HIBCH: variants seen among roughly 807,000 people sequenced by gnomAD.
The protein encoded by HIBCH is 3-hydroxyisobutyryl-CoA hydrolase, mitochondrial.
HIBCH carries 50 observed loss-of-function variants against 58.2 expected under a neutral mutation model. The observed-to-expected ratio is 0.86, with a 90% CI of 0.68 to 1.09. HIBCH has a LOEUF of 1.09. Ranked by LOEUF, HIBCH falls within the 50% of genes least tolerant of loss-of-function variation. The pLI, the probability that HIBCH is intolerant of heterozygous loss-of-function variation, is 0.00. For missense variants in HIBCH, 450 were observed against 449.7 expected, an observed-to-expected ratio of 1.00 and a Z score of -0.01; for synonymous variants, 151 against 146.9, an observed-to-expected ratio of 1.03 and a Z score of -0.20.
Position 190,315,007 on chromosome 2 carries a change from G to C in HIBCH, c.36-4211C>G, listed in dbSNP as rs1049307432. Among the ~76,000 whole-genome samples, 1 of 151,936 alleles carries C rather than the reference G, an allele frequency of 6.6e-6. No individual in the cohort carries two copies. Among genetic ancestry groups the C allele is most frequent in the South Asian group, 2.1e-4 (1 of 4,810 alleles). On this transcript the variant is annotated intron_variant, in intron 1 of 13. Transcript: ENST00000359678. The surrounding 1 kb of genome is among the most constrained non-coding windows in gnomAD (Gnocchi z 5.4). ...CTGTCGCCCAGGCTGGAGTGCAGTG[G>C]TGCAATCTCGGCTCACTGCAGGCTC... is the stretch of plus-strand genomic sequence containing the variant.
At chr2:190,219,007 C>T (rs1427119426) in intron 11 of HIBCH, among the ~76,000 whole-genome samples, 1 of 152,144 alleles carries the variant, frequency 6.6e-6, no homozygotes, top group Non-Finnish European at 1.5e-5. Context: ...TCATATACCC[C>T]AGGCTAATGT....
chr2:190,246,871 C>CAAAGTATA (rs924343559), intron 9 of HIBCH, among the ~76,000 whole-genome samples: 8 of 152,108 alleles, frequency 5.3e-5, no homozygotes, highest in African/African-American at 1.9e-4. Flanking sequence ...TGGATGGTAG[C>CAAAGTATA]AAAGTATAAG....
intron 9 of HIBCH, among the ~76,000 whole-genome samples, chr2:190,248,948 T>C (rs1022561579): frequency 1.3e-5 from 2 of 152,156 alleles, no homozygotes; most frequent in African/African-American, 2.4e-5. Context: ...CAGAGGGACC[T>C]AGTCCCTTTA....
At chr2:190,191,136 A>G (rs769026280) in intron 1 of HIBCH, among the ~76,000 whole-genome samples, 1 of 151,752 alleles carries the variant, frequency 6.6e-6, no homozygotes, top group Non-Finnish European at 1.5e-5. Flanking sequence ...TTTGCATACA[A>G]TTTTTTTTCT....
chr2:190,318,287 T>G (rs1575771835), intron 1 of HIBCH, among the ~76,000 whole-genome samples: 1 of 149,834 alleles, frequency 6.7e-6, no homozygotes, highest in African/African-American at 2.4e-5. Context: ...AAACTGGCAC[T>G]GGGGTAAGGA....
chr2:190,300,422 T>C (rs1688230118), intron 2 of HIBCH, among the ~76,000 whole-genome samples: 1 of 152,116 alleles, frequency 6.6e-6, no homozygotes, highest in Non-Finnish European at 1.5e-5. Context: ...TCAGTGATAC[T>C]GAGCTTTTTT....
chr2:190,271,760 GCT>G (rs1687408336), intron 6 of HIBCH, among the ~76,000 whole-genome samples: 1 of 152,010 alleles, frequency 6.6e-6, no homozygotes, highest in Non-Finnish European at 1.5e-5. Flanking sequence ...CACTTAATTA[GCT>G]CTCCATATTG....
At chr2:190,237,683 T>C (rs190920994) in intron 11 of HIBCH, among the ~76,000 whole-genome samples, 7 of 152,228 alleles carry the variant, frequency 4.6e-5, no homozygotes, top group Admixed American at 2.0e-4. Flanking sequence ...TATATATTTA[T>C]ATATACGTGT....
intron 6 of HIBCH, among the ~76,000 whole-genome samples, chr2:190,283,728 T>C (rs752787614): frequency 2.6e-5 from 4 of 152,170 alleles, no homozygotes; most frequent in Non-Finnish European, 5.9e-5. Flanking sequence ...GCATACCTGA[T>C]GGAAGAAAAG....
rs776889226 is a variant in HIBCH at position 190,206,512 on chromosome 2, A to C, written c.1046-1280T>G. 2.6e-4 allele frequency among the ~76,000 whole-genome samples: 40 copies of C among 152,308 alleles called. No individual in the cohort carries two copies. Among genetic ancestry groups the C allele is most frequent in the Non-Finnish European group, 4.3e-4 (29 of 68,014 alleles). On this transcript the variant is annotated intron_variant, in intron 13 of 13. Coordinates refer to ENST00000359678, the MANE Select transcript of HIBCH (RefSeq NM_014362.4). The surrounding 1 kb of genome is among the most constrained non-coding windows in gnomAD (Gnocchi z 5.1). ...TAACAATTTTTTTACTAGAATACATACAAGTTCGTGCCATGTAGGCAGCTC... is the reference window on the plus strand; with the variant it reads ...TAACAATTTTTTTACTAGAATACATCCAAGTTCGTGCCATGTAGGCAGCTC...
intron 6 of HIBCH, among the ~76,000 whole-genome samples, chr2:190,284,851 T>C (rs1477013499): frequency 6.6e-6 from 1 of 152,196 alleles, no homozygotes; most frequent in Non-Finnish European, 1.5e-5. Flanking sequence ...TTCCTTTAAT[T>C]ATACATATCT....
downstream of HIBCH, chr2:190,202,422 G>A (rs1008406349): frequency 8.4e-5 from 14 of 166,944 alleles, no homozygotes; most frequent in African/African-American, 2.4e-4. Flanking sequence ...ATGGGAGAAA[G>A]ATGAATAAAC....
rs538599848 is a variant in HIBCH, at chr2:190,263,885, A to G, written c.439-2651T>C. On this transcript the variant is annotated intron_variant, in intron 6 of 13. Transcript: ENST00000359678. ...GACTGGGCCACTTTTCACCATCTAC[A>G]CTATTACGACCCCACAATGTAATCT... Among the ~76,000 whole-genome samples the G allele has an allele frequency of 4.8e-4, 73 of 151,504 alleles. 1 individual carries two copies. The highest frequency in any genetic ancestry group is 1.7e-3 in the African/African-American group (72 of 41,188).
intron 11 of HIBCH, among the ~76,000 whole-genome samples, chr2:190,224,885 C>T (rs554186711): frequency 6.6e-6 from 1 of 152,222 alleles, no homozygotes; most frequent in African/African-American, 2.4e-5. Flanking sequence ...AGTTGCACTC[C>T]TCAGCAAATG....
Position 190,306,679 on chromosome 2 carries a change from C to T in HIBCH, c.78+4075G>A, listed in dbSNP as rs1233909323. ...GAGTGTCACGTCTTCTGCTAGCACCCATGAAATATTAAGAAGCTAACTATT... is the reference window on the plus strand; with the variant it reads ...GAGTGTCACGTCTTCTGCTAGCACCTATGAAATATTAAGAAGCTAACTATT... On this transcript the variant is annotated intron_variant, in intron 2 of 13. Coordinates refer to ENST00000359678, the MANE Select transcript of HIBCH (RefSeq NM_014362.4). This position sits in a 1 kb window ranked among gnomAD's most constrained non-coding sequence, Gnocchi z 4.6. Among the ~76,000 whole-genome samples, 2 of 152,156 alleles carry T rather than the reference C, an allele frequency of 1.3e-5. No homozygotes were observed. The highest frequency in any genetic ancestry group is 2.4e-5 in the African/African-American group (1 of 41,414).
chr2:190,195,239 G>C (rs548847046), intron 1 of HIBCH, among the ~76,000 whole-genome samples: 3 of 152,288 alleles, frequency 2.0e-5, no homozygotes, highest in Admixed American at 6.5e-5. Context: ...AGGACATCTT[G>C]CTTGCTTCTA....
rs1688347796 is a variant in HIBCH, at chr2:190,304,303, A to G, written c.78+6451T>C. On this transcript the variant is annotated intron_variant, in intron 2 of 13. Transcript: ENST00000359678. The surrounding 1 kb of genome is among the most constrained non-coding windows in gnomAD (Gnocchi z 4.1). ...TTCTTTTCCTTAGTTATGGAGGCTG[A>G]TGTCCAAAGTCAAAAGGATACATCT... Among the ~76,000 whole-genome samples, 1 of 151,712 alleles carries G rather than the reference A, an allele frequency of 6.6e-6. No homozygotes were observed. The highest frequency in any genetic ancestry group is 2.4e-5 in the African/African-American group (1 of 41,300).
chr2:190,278,191 T>C (rs928103458), intron 6 of HIBCH, among the ~76,000 whole-genome samples: 2 of 151,888 alleles, frequency 1.3e-5, no homozygotes, highest in Admixed American at 6.6e-5. Flanking sequence ...AAACTAGAGA[T>C]GGGGCAGGGA....
At chr2:190,233,636 G>C (rs987393282) in intron 11 of HIBCH, among the ~76,000 whole-genome samples, 1 of 152,194 alleles carries the variant, frequency 6.6e-6, no homozygotes, top group Admixed American at 6.5e-5. Context: ...GATGAATACA[G>C]AGGATAATAT....
Sources: allele counts gnomAD v4.1 joint callset (sites outside exome capture counted in the v4.1 genomes callset), GRCh38; gene constraint gnomAD v4.1.1; non-coding constraint Gnocchi (gnomAD v3.1); transcripts MANE v1.5; gene names NCBI Gene and HGNC (gene_info 2026-07-23, HGNC 2026-07-21).